Variants in COL21A1 observed in about 807,000 individuals in gnomAD.
The protein encoded by COL21A1 is collagen type XXI alpha 1 chain.
Under a neutral mutation model 137.9 loss-of-function variants are expected in COL21A1, and 149 were observed. The observed-to-expected ratio is 1.08, with a 90% confidence interval of 0.95 to 1.24. The LOEUF is 1.24. Among genes scored for constraint, COL21A1 ranks in the 50% most tolerant of loss-of-function variants. COL21A1 has a pLI of 0.00. For synonymous variants in COL21A1, 456 were observed against 391.5 expected, an observed-to-expected ratio of 1.16 and a Z score of -1.95; for missense variants, 1,167 against 1,158.4, an observed-to-expected ratio of 1.01 and a Z score of -0.11.
intron 1 of COL21A1, among the ~76,000 whole-genome samples, chr6:56,347,502 C>G (rs1482452244): frequency 7.2e-6 from 1 of 138,712 alleles, no homozygotes; most frequent in East Asian, 2.1e-4. Context: ...ACATTAGAAT[C>G]ACCTAGGAAG....
chr6:56,339,658 ATAG>A (rs1250708629), intron 1 of COL21A1, among the ~76,000 whole-genome samples: 4 of 152,332 alleles, frequency 2.6e-5, no homozygotes, highest in South Asian at 4.1e-4. Context: ...TTTGAACTTT[ATAG>A]TAGATTTCCA....
chr6:56,278,800 C>T (rs1423385528), intron 1 of COL21A1, among the ~76,000 whole-genome samples: 3 of 152,206 alleles, frequency 2.0e-5, no homozygotes, highest in Non-Finnish European at 4.4e-5. Flanking sequence ...TCATTAAACA[C>T]CCCACTAAAT....
At chr6:56,356,335 C>T (rs942094758) in intron 1 of COL21A1, among the ~76,000 whole-genome samples, 4 of 151,958 alleles carry the variant, frequency 2.6e-5, no homozygotes, top group African/African-American at 7.3e-5. Context: ...TGGTTGGGGG[C>T]GGGGACAGAG....
At chr6:56,277,830 G>A (rs997363470) in intron 1 of COL21A1, among the ~76,000 whole-genome samples, 1 of 152,178 alleles carries the variant, frequency 6.6e-6, no homozygotes, top group African/African-American at 2.4e-5. Flanking sequence ...ACAGAAAGGT[G>A]GTTATTAAGA....
At chr6:56,174,229 G>T (rs986237018) in intron 3 of COL21A1, among the ~76,000 whole-genome samples, 18 of 151,494 alleles carry the variant, frequency 1.2e-4, no homozygotes, top group African/African-American at 4.1e-4. Flanking sequence ...AAAAGAAAAA[G>T]GATATCAAAT....
chr6:56,124,627 G>GC (rs1561891101), intron 14 of COL21A1, among the ~76,000 whole-genome samples: 2 of 149,218 alleles, frequency 1.3e-5, no homozygotes, highest in Non-Finnish European at 3.0e-5. Flanking sequence ...CAGTGGACAT[G>GC]TTTTTTGTTT....
At chr6:56,361,927 A>G (rs1765981083) in intron 1 of COL21A1, among the ~76,000 whole-genome samples, 1 of 152,212 alleles carries the variant, frequency 6.6e-6, no homozygotes, top group Non-Finnish European at 1.5e-5. Flanking sequence ...ATTGTTTTCA[A>G]ACAGACGTAA....
At chr6:56,286,440 T>A (rs1763916568) in intron 1 of COL21A1, among the ~76,000 whole-genome samples, 1 of 152,168 alleles carries the variant, frequency 6.6e-6, no homozygotes, top group South Asian at 2.1e-4. Flanking sequence ...CATACACACA[T>A]ACACTCATAT....
chr6:56,290,185 G>A (rs1265754069), intron 1 of COL21A1, among the ~76,000 whole-genome samples: 1 of 152,124 alleles, frequency 6.6e-6, no homozygotes, highest in African/African-American at 2.4e-5. Context: ...TTAGCAAACA[G>A]ATAAAGAGAT....
chr6:56,140,601 A>C (rs1561909330), intron 12 of COL21A1, among the ~76,000 whole-genome samples: 2 of 152,196 alleles, frequency 1.3e-5, no homozygotes. Flanking sequence ...CTTCATTTCC[A>C]AAAATCAAGT....
chr6:56,125,546 T>C (rs1257615835), intron 14 of COL21A1, 21 bp downstream of exon 14: 4 of 1,562,698 alleles, frequency 2.6e-6, no homozygotes, highest in Non-Finnish European at 1.8e-6. Flanking sequence ...ATGAATACTT[T>C]GTTGTGTGAT....
At chr6:56,278,417 C>T (rs750634852) in intron 1 of COL21A1, among the ~76,000 whole-genome samples, 3 of 152,008 alleles carry the variant, frequency 2.0e-5, no homozygotes, top group Non-Finnish European at 2.9e-5. Flanking sequence ...TTTGTATAAG[C>T]GCTTCATTCT....
At chr6:56,364,089 A>G (rs1435088755) in intron 1 of COL21A1, among the ~76,000 whole-genome samples, 5 of 152,118 alleles carry the variant, frequency 3.3e-5, no homozygotes, top group African/African-American at 1.2e-4. Context: ...ATTAGAATAG[A>G]AAAAACAAAT....
rs371363526 is a variant in COL21A1, at chr6:56,170,848, C to T, written c.827G>A (p.Gly276Asp). 6.8e-6 allele frequency: 11 copies of T among 1,609,918 alleles called. No homozygotes were observed. Among genetic ancestry groups the T allele is most frequent in the South Asian group, 1.1e-5 (1 of 90,606 alleles). ...SELTSNVFPE[G>D]LPPSYVFVST... is the part of the protein sequence containing the mutation. ...CACAAATACATATGATGGAGGAAGACCTTCTGGGAAAACATTGCTAGAAAA... is the reference window on the plus strand; with the variant it reads ...CACAAATACATATGATGGAGGAAGATCTTCTGGGAAAACATTGCTAGAAAA... Residue 276 changes from glycine to aspartate, a missense_variant, in exon 5 of 30, where the codon GGT (glycine) becomes GAT (aspartate). Gly to Asp is a moderately conservative substitution (Grantham distance 94, BLOSUM62 -1). Coordinates refer to ENST00000244728, the MANE Select transcript of COL21A1 (RefSeq NM_030820.4).
intron 7 of COL21A1, 54 bp from the exon 8 acceptor site, chr6:56,164,876 T>C: frequency 1.5e-6 from 2 of 1,306,790 alleles, no homozygotes; most frequent in Non-Finnish European, 2.1e-6. Flanking sequence ...AATTTATAAA[T>C]TATCAGCCTA....
chr6:56,204,360 A>C (rs1401469222), intron 1 of COL21A1, among the ~76,000 whole-genome samples: 2 of 152,212 alleles, frequency 1.3e-5, no homozygotes, highest in East Asian at 3.9e-4. Flanking sequence ...GCCAGAGGGA[A>C]GTTCAAACTG....
At chr6:56,139,745 T>G (rs1012222969) in intron 12 of COL21A1, among the ~76,000 whole-genome samples, 3 of 152,148 alleles carry the variant, frequency 2.0e-5, no homozygotes, top group Admixed American at 1.3e-4. Context: ...GTAAAACCAC[T>G]TAGTTTTTCG....
intron 1 of COL21A1, among the ~76,000 whole-genome samples, chr6:56,226,635 C>T (rs1357525270): frequency 2.0e-5 from 3 of 151,958 alleles, no homozygotes; most frequent in African/African-American, 7.2e-5. Flanking sequence ...CACTGTGAAA[C>T]CCCATTTTCC....
At chr6:56,284,797 C>G (rs886090799) in intron 1 of COL21A1, among the ~76,000 whole-genome samples, 2 of 152,106 alleles carry the variant, frequency 1.3e-5, no homozygotes, top group Admixed American at 1.3e-4. Context: ...ATTAGTTCAC[C>G]CTACACTTCA....
Sources: gnomAD v4.1 joint callset for allele counts (sites outside exome capture counted in the v4.1 genomes callset) on GRCh38, gnomAD v4.1.1 for gene constraint, MANE v1.5 for transcripts, NCBI Gene and HGNC (gene_info 2026-07-23, HGNC 2026-07-21) for gene names.